Variants in DSTN observed in about 807,000 individuals in gnomAD.
The protein encoded by DSTN is destrin, actin depolymerizing factor.
Under a neutral mutation model 16.8 loss-of-function variants are expected in DSTN, and 10 were observed. The observed-to-expected ratio is 0.60, with a 90% CI of 0.37 to 1.01. The LOEUF (loss-of-function observed/expected upper bound fraction) is 1.01, where lower values mean the gene tolerates loss of function less well. Ranked by LOEUF, DSTN falls within the 50% of genes least tolerant of loss-of-function variation. DSTN has a pLI of 0.01. For missense variants in DSTN, 141 were observed against 196.7 expected (o/e 0.72, Z 1.69); for synonymous variants, 57 against 58.9 (o/e 0.97, Z 0.14).
chr20:17,585,351 G>C (rs2035393739), intron 1 of DSTN, among the ~76,000 whole-genome samples: 1 of 152,124 alleles, frequency 6.6e-6, no homozygotes, highest in Non-Finnish European at 1.5e-5. Context: ...AACTAGGTGT[G>C]ACTGGGAAAC....
In DSTN at chr20:17,607,149, T is replaced by C. The variant is rs2035651431; in HGVS notation, c.*3T>C. The C allele has an allele frequency of 2.5e-6, 4 of 1,607,892 alleles. No homozygotes were observed. In the South Asian group the frequency reaches 3.3e-5, roughly 13 times the overall value. ...CCTTTGAAGGATGCCCTGTGTAGATTATTCAGTGCCACAAATTGAAAGCTT... is the reference window on the plus strand; with the variant it reads ...CCTTTGAAGGATGCCCTGTGTAGATCATTCAGTGCCACAAATTGAAAGCTT... On this transcript the variant is annotated 3_prime_UTR_variant, in exon 4 of 4. Coordinates refer to ENST00000246069, the MANE Select transcript of DSTN (RefSeq NM_006870.4).
rs1394139156 is a variant in DSTN, at chr20:17,570,151, T to G, written c.-58T>G. ...TCCCGCAGCCGTGAGGAGGACGGTC[T>G]GCATACTCGCTGCCCGCCGGCTCCC... On this transcript the variant is annotated 5_prime_UTR_variant, in exon 1 of 4. Transcript: ENST00000246069. The G allele has an allele frequency of 1.3e-6, 2 of 1,516,660 alleles. No individual in the cohort carries two copies. The highest frequency in any genetic ancestry group is 1.8e-6 in the Non-Finnish European group (2 of 1,136,612). 94.0% of individuals were successfully genotyped at this position (1,516,660 alleles called of 1,614,324 possible). A position where few individuals can be genotyped will look rare whatever the true frequency, so the allele number is the denominator to read the frequency against.
intron 1 of DSTN, among the ~76,000 whole-genome samples, chr20:17,571,541 C>T (rs2035207379): frequency 1.3e-5 from 2 of 152,122 alleles, no homozygotes; most frequent in South Asian, 4.1e-4. Flanking sequence ...TTTTTAATAT[C>T]TAATTATTAG....
chr20:17,604,962 T>TAATAGTA (rs1215232171), intron 3 of DSTN: 7 of 454,574 alleles, frequency 1.5e-5, no homozygotes, highest in Admixed American at 2.5e-5. Context: ...ACATTGGACA[T>TAATAGTA]AATAGTAAAT....
chr20:17,577,815 GA>G (rs1374226712), intron 1 of DSTN, among the ~76,000 whole-genome samples: 1 of 152,072 alleles, frequency 6.6e-6, no homozygotes, highest in Non-Finnish European at 1.5e-5. Flanking sequence ...ATTTTCATTG[GA>G]AATACTTGAT....
intron 1 of DSTN, among the ~76,000 whole-genome samples, chr20:17,586,146 C>A (rs2035406017): frequency 6.6e-6 from 1 of 152,148 alleles, no homozygotes; most frequent in Admixed American, 6.5e-5. Context: ...ATTTTTTCCT[C>A]TTTCTAATGC....
chr20:17,595,464 T>C (rs1299404411), intron 1 of DSTN, among the ~76,000 whole-genome samples: 1 of 152,206 alleles, frequency 6.6e-6, no homozygotes, highest in African/African-American at 2.4e-5. Flanking sequence ...GTGCTGTGGA[T>C]CTTACCCATT....
At chr20:17,599,823 A>T (rs11087216) in intron 1 of DSTN, 7,108 of 152,262 alleles carry the variant, frequency 0.047, 245 homozygotes, top group African/African-American at 0.092. Context: ...CCTTAGTCTG[A>T]TCATCCTCCA....
At chr20:17,575,316 A>G (rs1436412499) in intron 1 of DSTN, among the ~76,000 whole-genome samples, 2 of 152,354 alleles carry the variant, frequency 1.3e-5, no homozygotes, top group Non-Finnish European at 1.5e-5. Flanking sequence ...GCAAGTCTTG[A>G]AAAACTGAAT....
chr20:17,583,603 T>C (rs1418042016), intron 1 of DSTN, among the ~76,000 whole-genome samples: 1 of 151,792 alleles, frequency 6.6e-6, no homozygotes, highest in Non-Finnish European at 1.5e-5. Flanking sequence ...AGATGACATA[T>C]TGTGTGATTC....
chr20:17,590,546 A>G (rs2035458215), intron 1 of DSTN, among the ~76,000 whole-genome samples: 1 of 152,206 alleles, frequency 6.6e-6, no homozygotes, highest in Non-Finnish European at 1.5e-5. Context: ...GAAGTTGTGG[A>G]TAACATATCT....
chr20:17,571,559 AT>A (rs1304504401), intron 1 of DSTN, among the ~76,000 whole-genome samples: 3 of 152,244 alleles, frequency 2.0e-5, no homozygotes, highest in Non-Finnish European at 2.9e-5. Context: ...TAGAAATTTA[AT>A]AACATTTTAA....
At chr20:17,601,901 A>ATT in intron 2 of DSTN, among the ~76,000 whole-genome samples, 1 of 151,868 alleles carries the variant, frequency 6.6e-6, no homozygotes, top group Non-Finnish European at 1.5e-5. Context: ...TTTAGTTTCT[A>ATT]AGGGGAGGGA....
intron 1 of DSTN, among the ~76,000 whole-genome samples, chr20:17,587,691 T>C (rs1277774725): frequency 6.6e-6 from 1 of 152,104 alleles, no homozygotes; most frequent in Non-Finnish European, 1.5e-5. Flanking sequence ...CATTAGTCTG[T>C]CATTGTGTAC....
At chr20:17,575,727 A>G (rs1218467322) in intron 1 of DSTN, among the ~76,000 whole-genome samples, 2 of 152,158 alleles carry the variant, frequency 1.3e-5, no homozygotes, top group Admixed American at 6.5e-5. Context: ...GGGTTTCACC[A>G]TGTTTGCACA....
intron 1 of DSTN, among the ~76,000 whole-genome samples, chr20:17,578,473 G>A (rs1012273362): frequency 6.6e-6 from 1 of 152,132 alleles, no homozygotes; most frequent in Non-Finnish European, 1.5e-5. Flanking sequence ...AATTTACTTT[G>A]AGTCTTACAA....
chr20:17,602,121 A>G (rs2035594039), intron 2 of DSTN, among the ~76,000 whole-genome samples: 1 of 152,168 alleles, frequency 6.6e-6, no homozygotes, highest in Non-Finnish European at 1.5e-5. Flanking sequence ...GTCACACCTC[A>G]CTTGTATTTC....
intron 1 of DSTN, chr20:17,596,873 C>A: frequency 1.1e-6 from 1 of 879,508 alleles, no homozygotes; most frequent in Non-Finnish European, 1.4e-6. Flanking sequence ...ATTACTAGTA[C>A]ATCATTGATT....
chr20:17,605,171 C>T (rs1194901606), intron 3 of DSTN: 2 of 456,190 alleles, frequency 4.4e-6, no homozygotes, highest in African/African-American at 4.0e-5. Flanking sequence ...TGATTGGGAT[C>T]CTGATGAGAT....
Sources: allele counts gnomAD v4.1 joint callset (sites outside exome capture counted in the v4.1 genomes callset), GRCh38; gene constraint gnomAD v4.1.1; transcripts MANE v1.5; gene names NCBI Gene and HGNC (gene_info 2026-07-23, HGNC 2026-07-21).